Variants in AGBL1 observed in about 807,000 individuals in gnomAD.
AGBL1 encodes AGBL carboxypeptidase 1.
In AGBL1, 130 loss-of-function variants were observed where a neutral mutation model predicts 118.9. The observed-to-expected ratio is 1.09, with a 90% CI of 0.95 to 1.26. The LOEUF (loss-of-function observed/expected upper bound fraction) is 1.26. Ranked by LOEUF, AGBL1 falls within the 50% of genes most tolerant of loss-of-function variation. AGBL1 has a pLI of 0.00. For synonymous variants in AGBL1, 555 were observed against 478.9 expected, an observed-to-expected ratio of 1.16 and a Z score of -2.08; for missense variants, 1,584 against 1,298.1, an observed-to-expected ratio of 1.22 and a Z score of -3.38.
intron 21 of AGBL1, among the ~76,000 whole-genome samples, chr15:86,556,567 C>G (rs1212638170): frequency 1.3e-5 from 2 of 152,126 alleles, no homozygotes; most frequent in Non-Finnish European, 2.9e-5. Context: ...TATGGGGGGG[C>G]CCACCCCATG....
chr15:86,923,090 G>T (rs915499889), intron 23 of AGBL1, among the ~76,000 whole-genome samples: 6 of 152,164 alleles, frequency 3.9e-5, no homozygotes, highest in African/African-American at 1.4e-4. Flanking sequence ...GGATGCAATC[G>T]CTGAAGCTGG....
At chr15:86,157,701 A>G (rs962662587) in intron 4 of AGBL1, among the ~76,000 whole-genome samples, 4 of 152,190 alleles carry the variant, frequency 2.6e-5, no homozygotes, top group African/African-American at 9.6e-5. Context: ...GTCAATTGTT[A>G]GCCACTGTTG....
At chr15:86,793,851 G>T (rs186990225) in intron 22 of AGBL1, among the ~76,000 whole-genome samples, 99 of 152,262 alleles carry the variant, frequency 6.5e-4, no homozygotes, top group African/African-American at 2.2e-3. Flanking sequence ...ATGAAAAGAT[G>T]TTCACCATCA....
intron 22 of AGBL1, among the ~76,000 whole-genome samples, chr15:86,794,955 C>T (rs928908909): frequency 2.0e-5 from 3 of 152,078 alleles, no homozygotes; most frequent in Admixed American, 6.5e-5. Context: ...TAGAAGGCCA[C>T]CCGGGGGGAC....
chr15:86,918,868 C>T (rs78346450), downstream of AGBL1, among the ~76,000 whole-genome samples: 1,419 of 152,268 alleles, frequency 9.3e-3, 24 homozygotes, highest in African/African-American at 0.031. Flanking sequence ...CCAACAAAAT[C>T]GGGTCTGGAT....
intron 23 of AGBL1, among the ~76,000 whole-genome samples, chr15:86,927,444 G>A (rs1020613277): frequency 3.3e-5 from 5 of 151,600 alleles, no homozygotes; most frequent in African/African-American, 1.2e-4. Context: ...AAAATAGCCA[G>A]GTGTGGTGGC....
At chr15:86,917,165 G>C (rs1226711881), downstream of AGBL1, among the ~76,000 whole-genome samples, 1 of 152,122 alleles carries the variant, frequency 6.6e-6, no homozygotes. The surrounding 1 kb of genome is among the most constrained non-coding windows in gnomAD (Gnocchi z 4.8). Context: ...AGAAGATAGA[G>C]AAGATGGGGG....
intron 21 of AGBL1, among the ~76,000 whole-genome samples, chr15:86,638,907 T>C (rs2085147312): frequency 6.6e-6 from 1 of 152,088 alleles, no homozygotes. Context: ...ATCGTAGTTA[T>C]TTCAGGTTTC....
chr15:86,707,945 G>A (rs2086482276), intron 22 of AGBL1, among the ~76,000 whole-genome samples: 1 of 152,100 alleles, frequency 6.6e-6, no homozygotes, highest in African/African-American at 2.4e-5. Context: ...AGGGAGCGGG[G>A]AGGTCCAACA....
chr15:86,131,989 C>T (rs1468415054), intron 1 of AGBL1, among the ~76,000 whole-genome samples: 2 of 151,706 alleles, frequency 1.3e-5, no homozygotes, highest in East Asian at 1.9e-4. Flanking sequence ...ACATGGGATG[C>T]CAGTTCATAT....
chr15:86,849,305 C>T (rs2079365983), intron 22 of AGBL1, among the ~76,000 whole-genome samples: 1 of 152,186 alleles, frequency 6.6e-6, no homozygotes, highest in South Asian at 2.1e-4. Flanking sequence ...AGAAGCAGTT[C>T]CTCTGGCTGC....
At chr15:86,767,773 C>G (rs149822546) in intron 22 of AGBL1, among the ~76,000 whole-genome samples, 58 of 152,008 alleles carry the variant, frequency 3.8e-4, no homozygotes, top group African/African-American at 1.3e-3. Context: ...GATGCGATGA[C>G]CAGAACTACT....
At chr15:86,850,527 T>C (rs527505524) in intron 22 of AGBL1, among the ~76,000 whole-genome samples, 1 of 152,354 alleles carries the variant, frequency 6.6e-6, no homozygotes, top group South Asian at 2.1e-4. Flanking sequence ...GTCTTTGTTT[T>C]GTTTGCTCCT....
At chr15:86,164,452 G>A (rs2077309375) in intron 5 of AGBL1, among the ~76,000 whole-genome samples, 1 of 152,158 alleles carries the variant, frequency 6.6e-6, no homozygotes, top group Admixed American at 6.5e-5. Context: ...TGTGACCTTA[G>A]GAAAGCTTGT....
intron 17 of AGBL1, among the ~76,000 whole-genome samples, chr15:86,386,522 C>G (rs1035032246): frequency 2.0e-5 from 3 of 151,468 alleles, no homozygotes; most frequent in South Asian, 2.1e-4. Context: ...GTATTTGGCA[C>G]GTGGTACCCT....
intron 1 of AGBL1, among the ~76,000 whole-genome samples, chr15:86,128,516 C>T (rs546250128): frequency 1.3e-5 from 2 of 152,212 alleles, no homozygotes; most frequent in Admixed American, 6.5e-5. Context: ...ACCGTATGAG[C>T]AACTTGGGAG....
At chr15:86,517,009 C>G (rs1283815030) in intron 18 of AGBL1, among the ~76,000 whole-genome samples, 1 of 152,068 alleles carries the variant, frequency 6.6e-6, no homozygotes, top group South Asian at 2.1e-4. Flanking sequence ...GTGAAAATAA[C>G]TTAGAAATGA....
intron 21 of AGBL1, among the ~76,000 whole-genome samples, chr15:86,561,285 C>G (rs2142286313): frequency 6.6e-6 from 1 of 152,218 alleles, no homozygotes; most frequent in Non-Finnish European, 1.5e-5. Flanking sequence ...GTTTTTATGG[C>G]TTTAGGTCTA....
intron 23 of AGBL1, among the ~76,000 whole-genome samples, chr15:86,977,514 A>G (rs916661039): frequency 3.3e-5 from 5 of 151,624 alleles, no homozygotes; most frequent in Admixed American, 1.3e-4. Context: ...AAATCTTTTT[A>G]TATATTGAAA....
Sources: gnomAD v4.1 joint callset for allele counts (sites outside exome capture counted in the v4.1 genomes callset) on GRCh38, gnomAD v4.1.1 for gene constraint, Gnocchi (gnomAD v3.1) non-coding constraint, MANE v1.5 for transcripts, NCBI Gene and HGNC (gene_info 2026-07-23, HGNC 2026-07-21) for gene names.